Variants in PPHLN1 observed in about 807,000 individuals in gnomAD.
PPHLN1 encodes periphilin-1.
A neutral mutation model predicts 51.3 loss-of-function variants in PPHLN1; 29 were observed. The observed-to-expected ratio is 0.57, with a 90% confidence interval of 0.42 to 0.77. The LOEUF is 0.77. Ranked by LOEUF, PPHLN1 falls within the 30% of genes least tolerant of loss-of-function variation. The pLI is 0.00. For synonymous variants in PPHLN1, 147 were observed against 147.8 expected (o/e 0.99, Z 0.04); for missense variants, 436 against 438.4 (o/e 0.99, Z 0.05).
chr12:42,405,543 G>A (rs1002066416), intron 9 of PPHLN1, among the ~76,000 whole-genome samples: 1 of 152,072 alleles, frequency 6.6e-6, no homozygotes, highest in Non-Finnish European at 1.5e-5. Context: ...GTTATCTTTC[G>A]TTGTTTTTCT....
intron 5 of PPHLN1, chr12:42,375,315 G>GTTT (rs5797791): frequency 0.016 from 2,356 of 148,766 alleles, 24 homozygotes; most frequent in South Asian, 0.027. Flanking sequence ...CATGTAAAAG[G>GTTT]TTTTTTTTTT....
At chr12:42,367,232 A>G (rs2075359061) in intron 4 of PPHLN1, among the ~76,000 whole-genome samples, 1 of 152,184 alleles carries the variant, frequency 6.6e-6, no homozygotes, top group Non-Finnish European at 1.5e-5. Context: ...TCCTTCCAAC[A>G]CTAACAGAGG....
intron 4 of PPHLN1, among the ~76,000 whole-genome samples, chr12:42,371,591 C>T (rs1382894631): frequency 6.6e-6 from 1 of 152,114 alleles, no homozygotes; most frequent in East Asian, 1.9e-4. Flanking sequence ...ACTGCTTTTT[C>T]TAAAGTTTGT....
chr12:42,363,736 C>T (rs566510070), intron 4 of PPHLN1, among the ~76,000 whole-genome samples: 14 of 152,122 alleles, frequency 9.2e-5, no homozygotes, highest in African/African-American at 2.9e-4. Flanking sequence ...ATCACCTGCT[C>T]GTCTTGTTTC....
At chr12:42,385,035 G>A (rs2139014496) in intron 6 of PPHLN1, 39 bp downstream of exon 6, 1 of 1,544,908 alleles carries the variant, frequency 6.5e-7, no homozygotes, top group Non-Finnish European at 9.0e-7. Flanking sequence ...GATTGTGAAG[G>A]GGTGGGAGAC....
intron 2 of PPHLN1, among the ~76,000 whole-genome samples, chr12:42,342,193 G>T (rs1367761369): frequency 6.6e-6 from 1 of 152,182 alleles, no homozygotes; most frequent in Non-Finnish European, 1.5e-5. Flanking sequence ...TTAGTTATCT[G>T]ATTTCTTAAC....
At chr12:42,426,632 A>T (rs979714037) in intron 9 of PPHLN1, among the ~76,000 whole-genome samples, 1 of 152,206 alleles carries the variant, frequency 6.6e-6, no homozygotes, top group African/African-American at 2.4e-5. Flanking sequence ...GGAATTTTTA[A>T]ATGTCATTAT....
chr12:42,361,090 TA>T (rs1378186083), intron 4 of PPHLN1, among the ~76,000 whole-genome samples: 1 of 152,148 alleles, frequency 6.6e-6, no homozygotes, highest in East Asian at 1.9e-4. Context: ...AGCCCCCCAT[TA>T]TGATAGTATT....
At chr12:42,418,260 C>T (rs1409529920) in intron 9 of PPHLN1, among the ~76,000 whole-genome samples, 5 of 126,156 alleles carry the variant, frequency 4.0e-5, no homozygotes, top group South Asian at 5.0e-4. Flanking sequence ...AAATGGGGAA[C>T]GTATTTAAAA....
At chr12:42,397,008 A>G (rs961025448) in intron 8 of PPHLN1, among the ~76,000 whole-genome samples, 4 of 149,386 alleles carry the variant, frequency 2.7e-5, no homozygotes, top group African/African-American at 7.4e-5. Context: ...ACTGCACTCC[A>G]GCCTGGGTGG....
At chr12:42,379,135 T>C (rs1282800221) in intron 5 of PPHLN1, among the ~76,000 whole-genome samples, 1 of 152,022 alleles carries the variant, frequency 6.6e-6, no homozygotes, top group East Asian at 1.9e-4. Flanking sequence ...TTTGAAATAA[T>C]CCCATGTTTT....
rs550128306 is a variant in PPHLN1, at chr12:42,434,801, C to G, written c.910-6514C>G. ...CTTGGTCTCCCGGGTTGAAGCAATTCTCCTGCCTCACCCTCCCCAGTAGCT... is the reference window on the plus strand; with the variant it reads ...CTTGGTCTCCCGGGTTGAAGCAATTGTCCTGCCTCACCCTCCCCAGTAGCT... On this transcript the variant is annotated intron_variant, in intron 9 of 9. Transcript: ENST00000358314. Among the ~76,000 whole-genome samples, 6 of 152,324 alleles carry G rather than the reference C, an allele frequency of 3.9e-5. No homozygotes were observed. The East Asian group carries it at 1.2e-3, about 29-fold the overall frequency.
intron 2 of PPHLN1, among the ~76,000 whole-genome samples, chr12:42,337,325 G>T (rs955370041): frequency 6.7e-6 from 1 of 149,670 alleles, no homozygotes; most frequent in East Asian, 2.0e-4. Context: ...GTGCAATGGC[G>T]CAGTCTTGGC....
intron 1 of PPHLN1, chr12:42,331,848 G>C (rs970274803): frequency 6.6e-6 from 1 of 152,148 alleles, no homozygotes; most frequent in African/African-American, 2.4e-5. Flanking sequence ...TGATGTGGCA[G>C]GTAACATGAT....
intron 5 of PPHLN1, among the ~76,000 whole-genome samples, chr12:42,384,064 T>C (rs1345191398): frequency 6.7e-6 from 1 of 148,786 alleles, no homozygotes; most frequent in Non-Finnish European, 1.5e-5. Flanking sequence ...ACAAATCAGC[T>C]TATCAGGAGA....
intron 9 of PPHLN1, among the ~76,000 whole-genome samples, chr12:42,419,582 A>T (rs181420294): frequency 1.5e-3 from 233 of 152,302 alleles, no homozygotes; most frequent in African/African-American, 5.2e-3. Context: ...TAAAAATTGA[A>T]GAGTAGGGTG....
intron 9 of PPHLN1, among the ~76,000 whole-genome samples, chr12:42,424,907 C>T (rs899443933): frequency 6.6e-6 from 1 of 151,902 alleles, no homozygotes; most frequent in Non-Finnish European, 1.5e-5. Flanking sequence ...AGAAAAAAAG[C>T]ATAATAACAC....
intron 4 of PPHLN1, among the ~76,000 whole-genome samples, chr12:42,372,331 C>T (rs1442058634): frequency 6.6e-6 from 1 of 152,144 alleles, no homozygotes; most frequent in Middle Eastern, 3.2e-3. Context: ...TGTATCCTGC[C>T]ACCTTAGGCC....
chr12:42,332,564 TTC>T (rs2069920956), intron 1 of PPHLN1: 4 of 824,580 alleles, frequency 4.9e-6, no homozygotes, highest in Non-Finnish European at 7.7e-6. Context: ...GGCCTGAGAG[TTC>T]TGTTTATACA....
Sources: gnomAD v4.1 joint callset for allele counts (sites outside exome capture counted in the v4.1 genomes callset) on GRCh38, gnomAD v4.1.1 for gene constraint, MANE v1.5 for transcripts, NCBI Gene and HGNC (gene_info 2026-07-23, HGNC 2026-07-21) for gene names.